IAPP: variants seen among roughly 807,000 people sequenced by gnomAD.
The protein encoded by IAPP is islet amyloid polypeptide.
In IAPP, 4 loss-of-function variants were observed where a neutral mutation model predicts 2.9. That is an observed-to-expected ratio of 1.39 (90% confidence interval 0.69 to 3.19). The LOEUF is 3.19. Among genes scored for constraint, IAPP ranks in the 30% most tolerant of loss-of-function variants. IAPP has a pLI of 0.01. For missense variants in IAPP, 114 were observed against 105.3 expected, an observed-to-expected ratio of 1.08 and a Z score of -0.36; for synonymous variants, 40 against 42.1, an observed-to-expected ratio of 0.95 and a Z score of 0.19.
intron 2 of IAPP, among the ~76,000 whole-genome samples, chr12:21,377,302 T>C (rs1183021718): frequency 6.6e-6 from 1 of 152,226 alleles, no homozygotes; most frequent in Non-Finnish European, 1.5e-5. Context: ...ATAGAGTACC[T>C]GAACAGGTGA....
upstream of IAPP, among the ~76,000 whole-genome samples, chr12:21,371,655 A>G (rs1446287501): frequency 1.3e-5 from 2 of 152,210 alleles, no homozygotes; most frequent in Non-Finnish European, 2.9e-5. Context: ...TATTTGCTTT[A>G]CATGACACTA....
chr12:21,371,797 G>A (rs2137087146), upstream of IAPP, among the ~76,000 whole-genome samples: 1 of 152,260 alleles, frequency 6.6e-6, no homozygotes, highest in African/African-American at 2.4e-5. Flanking sequence ...GAGGTTGGGA[G>A]TTCGAGACCA....
At chr12:21,364,546 A>G (rs1157335343) in intron 1 of IAPP, among the ~76,000 whole-genome samples, 1 of 152,262 alleles carries the variant, frequency 6.6e-6, no homozygotes. Flanking sequence ...AGTTCTGGCC[A>G]GGGCAATCAG....
chr12:21,378,118 G>A, intron 2 of IAPP, 119 bp from the exon 3 acceptor site: 1 of 887,418 alleles, frequency 1.1e-6, no homozygotes, highest in Non-Finnish European at 1.8e-6. Context: ...AAAACACTGA[G>A]TTACTTATGT....
chr12:21,364,929 C>T (rs1032439993), intron 1 of IAPP, among the ~76,000 whole-genome samples: 3 of 152,162 alleles, frequency 2.0e-5, no homozygotes, highest in South Asian at 2.1e-4. Flanking sequence ...ATTTCATGCT[C>T]GTGGATAGGA....
chr12:21,365,320 G>C (rs890513319), intron 1 of IAPP, among the ~76,000 whole-genome samples: 1 of 152,124 alleles, frequency 6.6e-6, no homozygotes, highest in African/African-American at 2.4e-5. Flanking sequence ...TTAATAAACG[G>C]TGCTGGGAAA....
intron 2 of IAPP, among the ~76,000 whole-genome samples, chr12:21,374,109 G>C (rs1940007995): frequency 3.3e-5 from 5 of 152,114 alleles, no homozygotes; most frequent in Admixed American, 3.3e-4. Flanking sequence ...TCAGTAGGTA[G>C]CATGTATGTC....
At chr12:21,366,936 T>C (rs1939433320) in intron 1 of IAPP, among the ~76,000 whole-genome samples, 1 of 151,748 alleles carries the variant, frequency 6.6e-6, no homozygotes, top group Non-Finnish European at 1.5e-5. Context: ...GAGACAAATA[T>C]CAAGAAAAAA....
chr12:21,370,014 A>T (rs1026193961), upstream of IAPP, among the ~76,000 whole-genome samples: 6 of 152,228 alleles, frequency 3.9e-5, no homozygotes, highest in Non-Finnish European at 7.3e-5. Context: ...TAACAAAATC[A>T]TTCAAGGTGT....
chr12:21,369,376 T>C (rs1231161700), upstream of IAPP, among the ~76,000 whole-genome samples: 15 of 152,292 alleles, frequency 9.8e-5, no homozygotes, highest in East Asian at 2.9e-3. Context: ...CGTCTGCTAA[T>C]AGATTTCCTG....
chr12:21,357,287 T>A (rs1276333441), intron 1 of IAPP, among the ~76,000 whole-genome samples: 2 of 152,108 alleles, frequency 1.3e-5, no homozygotes, highest in South Asian at 2.1e-4. Flanking sequence ...GGAAGTTTGG[T>A]CACAGAGACA....
chr12:21,375,906 G>GA (rs1233634845), intron 2 of IAPP, among the ~76,000 whole-genome samples: 2 of 105,034 alleles, frequency 1.9e-5, no homozygotes, highest in Non-Finnish European at 4.4e-5. Flanking sequence ...TAGTCAATGA[G>GA]AAAAAAATGC....
At chr12:21,377,914 A>T (rs1004454434) in intron 2 of IAPP, among the ~76,000 whole-genome samples, 1 of 152,164 alleles carries the variant, frequency 6.6e-6, no homozygotes, top group African/African-American at 2.4e-5. Flanking sequence ...ATTAAAAATA[A>T]ATTCTTCAAG....
chr12:21,375,658 C>A (rs571810629), intron 2 of IAPP, among the ~76,000 whole-genome samples: 7 of 152,284 alleles, frequency 4.6e-5, no homozygotes, highest in African/African-American at 1.7e-4. Flanking sequence ...GATCTCCCTG[C>A]AGGAGCTCAC....
intron 2 of IAPP, chr12:21,373,777 A>G: frequency 4.4e-6 from 3 of 677,256 alleles, no homozygotes; most frequent in Non-Finnish European, 8.0e-6. Context: ...AACAAACCAG[A>G]GAAACTTAAC....
intron 1 of IAPP, among the ~76,000 whole-genome samples, chr12:21,363,881 G>A (rs1223771424): frequency 6.6e-6 from 1 of 152,100 alleles, no homozygotes; most frequent in Admixed American, 6.5e-5. Context: ...CCAATAACAG[G>A]TTCTGAAATT....
Position 21,378,503 on chromosome 12 carries a change from C to T in IAPP, c.*77C>T, listed in dbSNP as rs5484. 202,637 of 1,183,784 alleles carry T rather than the reference C, an allele frequency of 0.17. 18,281 individuals carry two copies. Among genetic ancestry groups the T allele is most frequent in the Non-Finnish European group, 0.18 (144,291 of 792,244 alleles). The allele number at this position is 1,183,784 out of a possible 1,614,324, so 73.3% of individuals were successfully genotyped here. A position where few individuals can be genotyped will look rare whatever the true frequency, so the allele number is the denominator to read the frequency against. On this transcript the variant is annotated 3_prime_UTR_variant, in exon 3 of 3. Transcript: ENST00000240652. ...TAATTTAACAGTGCCCTTTTCATCT[C>T]CAGTGTGAATATATGGTCTGTGTGT...
intron 1 of IAPP, among the ~76,000 whole-genome samples, chr12:21,365,152 C>A (rs1251531249): frequency 6.6e-6 from 1 of 152,170 alleles, no homozygotes; most frequent in Non-Finnish European, 1.5e-5. Context: ...AACTATACTA[C>A]AAGGCTACAG....
At chr12:21,378,086 G>T (rs1004798852) in intron 2 of IAPP, 151 bp from the exon 3 acceptor site, 2 of 626,716 alleles carry the variant, frequency 3.2e-6, no homozygotes, top group Non-Finnish European at 5.5e-6. Context: ...AAAAATCTCA[G>T]CCATCTAGGT....
Sources: allele counts gnomAD v4.1 joint callset (sites outside exome capture counted in the v4.1 genomes callset), GRCh38; gene constraint gnomAD v4.1.1; transcripts MANE v1.5; gene names NCBI Gene and HGNC (gene_info 2026-07-23, HGNC 2026-07-21).